EXOC2: variants seen among roughly 807,000 people sequenced by gnomAD.
EXOC2 encodes SEC5-like 1.
In EXOC2, 70 loss-of-function variants were observed where a neutral mutation model predicts 131.8. That is an observed-to-expected ratio of 0.53 (90% CI 0.44 to 0.65). The LOEUF (loss-of-function observed/expected upper bound fraction) is 0.65. Ranked by LOEUF, EXOC2 falls within the 30% of genes least tolerant of loss-of-function variation. EXOC2 has a pLI of 0.00. For synonymous variants in EXOC2, 411 were observed against 398.4 expected, an observed-to-expected ratio of 1.03 and a Z score of -0.38; for missense variants, 923 against 1,108.6, an observed-to-expected ratio of 0.83 and a Z score of 2.38.
At chr6:496,618 T>C (rs1349423844) in intron 25 of EXOC2, among the ~76,000 whole-genome samples, 1 of 152,158 alleles carries the variant, frequency 6.6e-6, no homozygotes, top group African/African-American at 2.4e-5. Flanking sequence ...TAGGTTAAAA[T>C]CCATAAGAAA....
At chr6:493,748 G>A (rs186404090) in intron 25 of EXOC2, among the ~76,000 whole-genome samples, 37 of 152,266 alleles carry the variant, frequency 2.4e-4, no homozygotes, top group African/African-American at 7.7e-4. Flanking sequence ...AGAGTGAAGC[G>A]GGAGTTTAGA....
chr6:488,044 A>C (rs1177668113), intron 27 of EXOC2, among the ~76,000 whole-genome samples: 2 of 152,242 alleles, frequency 1.3e-5, no homozygotes, highest in Admixed American at 1.3e-4. Context: ...AAGCAGCAAG[A>C]AAAAGGAAGA....
intron 7 of EXOC2, among the ~76,000 whole-genome samples, chr6:607,122 T>C (rs1339207078): frequency 6.6e-6 from 1 of 152,224 alleles, no homozygotes; most frequent in Non-Finnish European, 1.5e-5. Context: ...CTGTACTTTA[T>C]GCAGCTATGG....
intron 1 of EXOC2, among the ~76,000 whole-genome samples, chr6:664,251 G>C (rs1016463709): frequency 6.6e-6 from 1 of 152,032 alleles, no homozygotes; most frequent in Non-Finnish European, 1.5e-5. Context: ...TCTTTCGGAG[G>C]ACCTCTACAG....
chr6:598,575 T>C (rs1759949284), intron 9 of EXOC2, among the ~76,000 whole-genome samples: 1 of 152,194 alleles, frequency 6.6e-6, no homozygotes, highest in South Asian at 2.1e-4. Flanking sequence ...TAGAAAATAC[T>C]TGTCATTGAT....
Position 576,803 on chromosome 6 carries a change from T to G in EXOC2, c.1272A>C (p.Thr424=), listed in dbSNP as rs766057387. 1.2e-6 allele frequency: 2 copies of G among 1,614,060 alleles called. No homozygotes were observed. The highest frequency in any genetic ancestry group is 1.7e-6 in the Non-Finnish European group (2 of 1,180,038). ...AGCTGCTGCCCCTCTTCAGGGACGCTGTCTGACTGAGATGGCCCAACACTG... is the reference window on the plus strand; with the variant it reads ...AGCTGCTGCCCCTCTTCAGGGACGCGGTCTGACTGAGATGGCCCAACACTG... The part of the protein sequence containing the change: ...RPSVLGHLSQ[T]ASLKRGSSFQ... The change falls in exon 12 of 28, where the codon ACA becomes ACC. Residue 424 remains threonine (T), a synonymous_variant. Coordinates refer to ENST00000230449, the MANE Select transcript of EXOC2 (RefSeq NM_018303.6).
At chr6:507,064 CCA>C (rs377215025) in intron 23 of EXOC2, among the ~76,000 whole-genome samples, 39 of 137,524 alleles carry the variant, frequency 2.8e-4, no homozygotes, top group East Asian at 4.4e-4. Context: ...AGCAGTGATC[CCA>C]CACACACACA....
At chr6:688,546 GCAAA>G (rs1197001690) in intron 1 of EXOC2, among the ~76,000 whole-genome samples, 1 of 152,216 alleles carries the variant, frequency 6.6e-6, no homozygotes, top group Non-Finnish European at 1.5e-5. Context: ...GGGACTATAA[GCAAA>G]CAGTGGGAGG....
intron 23 of EXOC2, among the ~76,000 whole-genome samples, chr6:514,387 T>C (rs1765020098): frequency 6.6e-6 from 1 of 152,258 alleles, no homozygotes; most frequent in Admixed American, 6.5e-5. Context: ...GTACCTTTTA[T>C]CTTGAAGGTT....
At chr6:521,945 C>T (rs1765491597) in intron 23 of EXOC2, among the ~76,000 whole-genome samples, 1 of 152,186 alleles carries the variant, frequency 6.6e-6, no homozygotes, top group African/African-American at 2.4e-5. Flanking sequence ...ATTTGACTTT[C>T]TGTTGAAAAT....
chr6:512,210 A>C (rs747104283), intron 23 of EXOC2, among the ~76,000 whole-genome samples: 2 of 152,200 alleles, frequency 1.3e-5, no homozygotes, highest in Non-Finnish European at 2.9e-5. Flanking sequence ...GTACTTTGCA[A>C]ACTCAATTCC....
At chr6:512,094 G>C (rs1012346298) in intron 23 of EXOC2, among the ~76,000 whole-genome samples, 1 of 152,202 alleles carries the variant, frequency 6.6e-6, no homozygotes, top group African/African-American at 2.4e-5. Context: ...TTCTTCCTTG[G>C]GGTTAAGCCA....
chr6:488,970 A>T lies in EXOC2; in HGVS notation c.2681+9T>A, dbSNP rs749090502. 1 of 1,613,826 alleles carries T rather than the reference A, an allele frequency of 6.2e-7. No homozygotes were observed. Among genetic ancestry groups the T allele is most frequent in the African/African-American group, 1.3e-5 (1 of 74,934 alleles). Reference sequence around the variant, plus strand: ...CAACTGGCTCCTAAGAACAGCACACAGGACTTACTTTTTATCTGCTCCACT... The same window carrying T: ...CAACTGGCTCCTAAGAACAGCACACTGGACTTACTTTTTATCTGCTCCACT... On this transcript the variant is annotated intron_variant, in intron 27 of 27. Coordinates refer to ENST00000230449, the MANE Select transcript of EXOC2 (RefSeq NM_018303.6).
At chr6:677,974 T>C (rs1336223677) in intron 1 of EXOC2, among the ~76,000 whole-genome samples, 6 of 150,294 alleles carry the variant, frequency 4.0e-5, no homozygotes, top group Admixed American at 6.6e-5. Flanking sequence ...ACTCTTCACG[T>C]TGTCACTCAC....
chr6:645,577 C>T (rs984602839), intron 1 of EXOC2, among the ~76,000 whole-genome samples: 2 of 112,154 alleles, frequency 1.8e-5, no homozygotes, highest in African/African-American at 6.2e-5. Context: ...AATCTGATAA[C>T]AAAGGAAGCA....
intron 2 of EXOC2, among the ~76,000 whole-genome samples, chr6:633,621 G>T (rs1761959900): frequency 1.3e-5 from 2 of 152,174 alleles, no homozygotes; most frequent in South Asian, 4.1e-4. Context: ...ACTAAAGTAG[G>T]TTTTTTATTT....
At chr6:684,124 G>GC (rs1764537354) in intron 1 of EXOC2, among the ~76,000 whole-genome samples, 1 of 152,146 alleles carries the variant, frequency 6.6e-6, no homozygotes, top group Admixed American at 6.5e-5. Flanking sequence ...TCCCTCGCAC[G>GC]CAACATCTAC....
At chr6:570,273 A>G (rs935835793) in intron 13 of EXOC2, among the ~76,000 whole-genome samples, 1 of 151,320 alleles carries the variant, frequency 6.6e-6, no homozygotes, top group Non-Finnish European at 1.5e-5. Flanking sequence ...AGCTGCAACT[A>G]CAGGCGCCCG....
In EXOC2 at chr6:537,418, G is replaced by A. The variant is rs187186880; in HGVS notation, c.2239-4808C>T. Among the ~76,000 whole-genome samples the A allele has an allele frequency of 5.3e-3, 793 of 149,414 alleles. 7 individuals are homozygous for A. Among genetic ancestry groups the A allele is most frequent in the African/African-American group, 0.019 (748 of 40,386 alleles). ...CACTCGAGTTCATGACCGACGGAGC[G>A]TACACATGAGGTGACGGCCGACGGA... On this transcript the variant is annotated intron_variant, in intron 22 of 27. Coordinates refer to ENST00000230449, the MANE Select transcript of EXOC2 (RefSeq NM_018303.6).
Sources: allele counts gnomAD v4.1 joint callset (sites outside exome capture counted in the v4.1 genomes callset), GRCh38; gene constraint gnomAD v4.1.1; transcripts MANE v1.5; gene names NCBI Gene and HGNC (gene_info 2026-07-23, HGNC 2026-07-21).